WNK1: variants seen among roughly 807,000 people sequenced by gnomAD.
WNK1 encodes the protein WNK lysine deficient protein kinase 1.
Under a neutral mutation model 222.8 loss-of-function variants are expected in WNK1, and 38 were observed. The ratio of observed to expected loss-of-function variants is 0.17; its 90% confidence interval spans 0.13 to 0.22. WNK1 has a LOEUF of 0.22. WNK1 is among the 10% of genes least tolerant of loss of function. WNK1 has a pLI of 1.00. For missense variants in WNK1, 2,348 were observed against 2,918.4 expected (o/e 0.80, Z 4.50); for synonymous variants, 1,090 against 1,092.9 (o/e 1.00, Z 0.05).
chr12:817,505 T>G (rs994125600), intron 2 of WNK1, among the ~76,000 whole-genome samples: 1 of 152,102 alleles, frequency 6.6e-6, no homozygotes, highest in African/African-American at 2.4e-5. Context: ...AGAGGCAGAT[T>G]GGGAAGGAAT....
chr12:829,475 G>T (rs1948628111), intron 3 of WNK1, among the ~76,000 whole-genome samples: 1 of 152,078 alleles, frequency 6.6e-6, no homozygotes, highest in Non-Finnish European at 1.5e-5. Flanking sequence ...TCACTGCAAG[G>T]CCTTCTTAAA....
chr12:908,174 C>T, intron 27 of WNK1, 140 bp downstream of exon 27: 2 of 1,120,500 alleles, frequency 1.8e-6, no homozygotes, highest in Non-Finnish European at 2.6e-6. Flanking sequence ...AAAAATCCCC[C>T]AGGTACCCTT....
At chr12:778,383 A>C (rs868410317) in intron 1 of WNK1, among the ~76,000 whole-genome samples, 2 of 151,856 alleles carry the variant, frequency 1.3e-5, no homozygotes, top group Non-Finnish European at 2.9e-5. Context: ...CCCAGGCTAG[A>C]GTGCAGTGGC....
chr12:803,667 G>A (rs972478526), intron 1 of WNK1, among the ~76,000 whole-genome samples: 2 of 152,164 alleles, frequency 1.3e-5, no homozygotes, highest in Non-Finnish European at 2.9e-5. Context: ...AACCCAGGAA[G>A]CAGATGTTGC....
In WNK1 at chr12:798,052, A is replaced by G. The variant is rs575324817; in HGVS notation, c.760-15590A>G. On this transcript the variant is annotated intron_variant, in intron 1 of 27. Coordinates refer to ENST00000315939, the MANE Select transcript of WNK1 (RefSeq NM_018979.4). ...GCCTTCTGTCTTTTAAAAATGTCTA[A>G]AAGTGAAAATCAATTGTGTCTGGCT... Among the ~76,000 whole-genome samples the G allele has an allele frequency of 5.3e-5, 8 of 152,224 alleles. No homozygotes were observed. The South Asian group carries it at 1.7e-3, about 32-fold the overall frequency.
chr12:828,395 T>C (rs1197564014), intron 3 of WNK1, among the ~76,000 whole-genome samples: 3 of 152,206 alleles, frequency 2.0e-5, no homozygotes, highest in Non-Finnish European at 4.4e-5. Context: ...TTATCAACTT[T>C]TTTCTTAGTC....
In WNK1 at chr12:854,886, G is replaced by A. The variant is rs147289792; in HGVS notation, c.1312-2275G>A. Among the ~76,000 whole-genome samples, 795 of 152,298 alleles carry A rather than the reference G, an allele frequency of 5.2e-3. 9 individuals carry two copies. The highest frequency in any genetic ancestry group is 0.019 in the African/African-American group (771 of 41,566). ...ATAGCTAATACACCGTGAGTGCTAT[G>A]TAAGCAGTTGTTATACTGTATTGTT... On this transcript the variant is annotated intron_variant, in intron 4 of 27. Transcript: ENST00000315939.
At chr12:883,342 CAT>C (rs1453625050) in intron 15 of WNK1, 51 bp from the exon 16 acceptor site, 24 of 1,596,494 alleles carry the variant, frequency 1.5e-5, no homozygotes, top group African/African-American at 2.7e-5. Flanking sequence ...ATAAAAGTGA[CAT>C]AAAGTTTGAG....
intron 1 of WNK1, among the ~76,000 whole-genome samples, chr12:809,466 A>G (rs1228068845): frequency 6.6e-6 from 1 of 152,208 alleles, no homozygotes; most frequent in East Asian, 1.9e-4. Context: ...GGAAGGTCAT[A>G]AAGAAATCTG....
At chr12:851,913 T>A in intron 4 of WNK1, 2 of 795,610 alleles carry the variant, frequency 2.5e-6, no homozygotes, top group Non-Finnish European at 3.4e-6. Flanking sequence ...GAGAATGCTT[T>A]AAAAATATTT....
At chr12:846,147 A>C (rs1950008962) in intron 4 of WNK1, among the ~76,000 whole-genome samples, 1 of 152,190 alleles carries the variant, frequency 6.6e-6, no homozygotes, top group Admixed American at 6.5e-5. Context: ...AACTGAGGGT[A>C]AAAAGTTTAG....
At position 881,676 on chromosome 12, in the gene WNK1, T is replaced by C. The variant is rs749692950; in HGVS notation, c.3112-16T>C. Reference sequence around the variant, plus strand: ...TCTATTACTACCGAGATTTGAGTTATCTTTTCGATTCACAGAGTACTCAGG... The same window carrying C: ...TCTATTACTACCGAGATTTGAGTTACCTTTTCGATTCACAGAGTACTCAGG... On this transcript the variant is annotated splice_polypyrimidine_tract_variant and intron_variant, in intron 12 of 27. Coordinates refer to ENST00000315939, the MANE Select transcript of WNK1 (RefSeq NM_018979.4). 4 of 1,598,364 alleles carry C rather than the reference T, an allele frequency of 2.5e-6. No individual in the cohort carries two copies. The highest frequency in any genetic ancestry group is 2.6e-6 in the Non-Finnish European group (3 of 1,165,666).
In WNK1 at chr12:827,813, G is replaced by A. The variant is rs750410300; in HGVS notation, c.1153+551G>A. ...TAAAGTGTTGGGATTACAGGCGTGA[G>A]CCACCCCGCCCAGCCAGCCATCTTT... On this transcript the variant is annotated intron_variant, in intron 3 of 27. Coordinates refer to ENST00000315939, the MANE Select transcript of WNK1 (RefSeq NM_018979.4). This position sits in a 1 kb window ranked among gnomAD's most constrained non-coding sequence, Gnocchi z 4.6. 8.5e-4 allele frequency among the ~76,000 whole-genome samples: 129 copies of A among 152,168 alleles called. No homozygotes were observed. Among genetic ancestry groups the A allele is most frequent in the Non-Finnish European group, 1.6e-3 (110 of 68,000 alleles).
intron 4 of WNK1, among the ~76,000 whole-genome samples, chr12:855,385 T>G (rs7311290): frequency 6.6e-6 from 1 of 151,928 alleles, no homozygotes; most frequent in East Asian, 1.9e-4. Context: ...ATTCTCCAAA[T>G]TGGGTCTTCG....
chr12:855,790 G>C (rs1950737886), intron 4 of WNK1, among the ~76,000 whole-genome samples: 1 of 151,978 alleles, frequency 6.6e-6, no homozygotes, highest in South Asian at 2.1e-4. Context: ...GTAGCATTTT[G>C]TTCTTACATC....
intron 8 of WNK1, among the ~76,000 whole-genome samples, chr12:863,015 A>G (rs1244801179): frequency 6.6e-6 from 1 of 152,226 alleles, no homozygotes; most frequent in East Asian, 1.9e-4. Flanking sequence ...GTTAAAGTAG[A>G]TCATCAGATA....
intron 4 of WNK1, among the ~76,000 whole-genome samples, chr12:837,572 TAA>T (rs530005542): frequency 5.7e-5 from 7 of 123,654 alleles, no homozygotes; most frequent in Non-Finnish European, 5.0e-5. Flanking sequence ...AGACCCTGTC[TAA>T]AAAAAAAAAA....
rs1953397975 is a variant in WNK1, at chr12:883,778, T to G, written c.3668T>G (p.Leu1223Trp). The G allele has an allele frequency of 6.2e-7, 1 of 1,614,026 alleles. No homozygotes were observed. The highest frequency in any genetic ancestry group is 1.3e-5 in the African/African-American group (1 of 74,930). The change falls in exon 17 of 28, where the codon TTG becomes TGG. Residue 1223 changes from leucine to tryptophan, a missense_variant. By Grantham distance (61) the Leu-to-Trp change is moderately conservative (BLOSUM62 -2). This residue lies in a region of WNK1 where 1,144 missense variants were observed against 1,273.6 expected (regional missense o/e 0.90). Coordinates refer to ENST00000315939, the MANE Select transcript of WNK1 (RefSeq NM_018979.4). ...DDYGFSGSQK[L>W]EGEFKQPIPA... is the part of the protein sequence containing the mutation. ...AATCACTTTTGTTTGTTGTAGAAATTGGAAGGAGAGTTCAAACAACCAATT... is the reference window on the plus strand; with the variant it reads ...AATCACTTTTGTTTGTTGTAGAAATGGGAAGGAGAGTTCAAACAACCAATT...
At chr12:810,246 C>CAA (rs71439362) in intron 1 of WNK1, among the ~76,000 whole-genome samples, 16 of 140,078 alleles carry the variant, frequency 1.1e-4, no homozygotes, top group African/African-American at 2.1e-4. Context: ...GACTCCGTCT[C>CAA]AAAAAAAAAA....
Sources: allele counts gnomAD v4.1 joint callset (sites outside exome capture counted in the v4.1 genomes callset), GRCh38; gene constraint gnomAD v4.1.1; regional missense constraint gnomAD v4.1.1; non-coding constraint Gnocchi (gnomAD v3.1); transcripts MANE v1.5; gene names NCBI Gene and HGNC (gene_info 2026-07-23, HGNC 2026-07-21).